VPS13D: variants seen among roughly 807,000 people sequenced by gnomAD.
The protein encoded by VPS13D is intermembrane lipid transfer protein VPS13D.
Under a neutral mutation model 461.9 loss-of-function variants are expected in VPS13D, and 187 were observed. The ratio of observed to expected loss-of-function variants is 0.40; its 90% CI spans 0.36 to 0.46. The LOEUF is 0.46. Among genes scored for constraint, VPS13D ranks in the 20% least tolerant of loss-of-function variants. VPS13D has a pLI of 0.60. For synonymous variants in VPS13D, 1,951 were observed against 1,986.3 expected, an observed-to-expected ratio of 0.98 and a Z score of 0.47; for missense variants, 4,711 against 5,364.9, an observed-to-expected ratio of 0.88 and a Z score of 3.81.
chr1:12,346,781 C>A, intron 44 of VPS13D, 129 bp downstream of exon 44: 1 of 889,222 alleles, frequency 1.1e-6, no homozygotes, highest in East Asian at 2.9e-5. Context: ...TTATCTCTGC[C>A]CTTTTCTATT....
rs1257253328 is a variant in VPS13D, at chr1:12,329,859, G to A, written c.8228G>A (p.Ser2743Asn). The A allele has an allele frequency of 2.5e-6, 4 of 1,614,072 alleles. No homozygotes were observed. The South Asian group carries it at 4.4e-5, about 18-fold the overall frequency. The change falls in exon 37 of 70, where the codon AGC (serine) becomes AAC (asparagine). Residue 2743 changes from serine (S) to asparagine (N), a missense_variant. Transcript: ENST00000620676. ...RLNFLQRVRT[S>N]PEGYAHFTLS... ...AATTTTCTTCAGCGTGTAAGAACTA[G>A]CCCTGAAGGCTATGCCCACTTCACC...
intron 65 of VPS13D, among the ~76,000 whole-genome samples, chr1:12,430,273 T>A (rs947232157): frequency 1.3e-5 from 2 of 152,222 alleles, no homozygotes; most frequent in Non-Finnish European, 2.9e-5. Context: ...CACAAACTTA[T>A]GCATTAAAGA....
rs185515092 is a variant in VPS13D at position 12,371,724 on chromosome 1, T to C, written c.10808+2022T>C. Among the ~76,000 whole-genome samples, 11 of 152,244 alleles carry C rather than the reference T, an allele frequency of 7.2e-5. No individual in the cohort carries two copies. The East Asian group carries it at 2.1e-3, about 29-fold the overall frequency. ...TTTTATGAAAAGTACCCAGTATTTT[T>C]TGTGGCTGAATACTATGCTGTATAC... On this transcript the variant is annotated intron_variant, in intron 54 of 69. Coordinates refer to ENST00000620676, the MANE Select transcript of VPS13D (RefSeq NM_015378.4).
At chr1:12,296,919 A>G (rs1353492589) in intron 24 of VPS13D, among the ~76,000 whole-genome samples, 2 of 152,238 alleles carry the variant, frequency 1.3e-5, no homozygotes, top group Non-Finnish European at 2.9e-5. Flanking sequence ...TGGGTTAAGC[A>G]GAGTTGAACA....
At chr1:12,477,222 C>T (rs959720755) in intron 67 of VPS13D, among the ~76,000 whole-genome samples, 2 of 151,972 alleles carry the variant, frequency 1.3e-5, no homozygotes, top group Non-Finnish European at 2.9e-5. Flanking sequence ...TTCCCACCTG[C>T]TCCTCTTATA....
chr1:12,493,541 G>A (rs1349259487), intron 67 of VPS13D, among the ~76,000 whole-genome samples: 1 of 151,256 alleles, frequency 6.6e-6, no homozygotes, highest in Non-Finnish European at 1.5e-5. Flanking sequence ...TAGGCTTACT[G>A]GAACATACAG....
Position 12,473,296 on chromosome 1 carries a change from GTTC to G in VPS13D, c.12662+12904_12662+12906del, listed in dbSNP as rs151036472. Among the ~76,000 whole-genome samples the G allele has an allele frequency of 0.022, 3,295 of 152,316 alleles. 60 individuals are homozygous for G. Among genetic ancestry groups the G allele is most frequent in the African/African-American group, 0.038 (1,574 of 41,574 alleles). ...ATGTGGAAAGGACGTAAAATCACAG[GTTC>G]TTCCCCAGTTCTGAAAAAGAAATAG... is the stretch of plus-strand genomic sequence containing the variant. On this transcript the variant is annotated intron_variant, in intron 67 of 69. Transcript: ENST00000620676. This position sits in a 1 kb window ranked among gnomAD's most constrained non-coding sequence, Gnocchi z 4.2.
At chr1:12,293,019 T>C (rs1479999707) in intron 23 of VPS13D, among the ~76,000 whole-genome samples, 2 of 152,218 alleles carry the variant, frequency 1.3e-5, no homozygotes, top group Admixed American at 1.3e-4. Context: ...CAGAACAATT[T>C]GTAGAAGTCT....
intron 11 of VPS13D, 38 bp from the exon 12 acceptor site, chr1:12,260,910 T>A (rs1557670206): frequency 1.2e-6 from 2 of 1,613,768 alleles, no homozygotes; most frequent in Non-Finnish European, 1.7e-6. Context: ...TGCTTTTATC[T>A]TTGAGTACTC....
At chr1:12,504,571 T>G (rs1274711236) in intron 68 of VPS13D, among the ~76,000 whole-genome samples, 1 of 152,128 alleles carries the variant, frequency 6.6e-6, no homozygotes, top group Admixed American at 6.5e-5. Context: ...GATTACCCTC[T>G]CCATCAGAGA....
intron 67 of VPS13D, among the ~76,000 whole-genome samples, chr1:12,491,609 G>A (rs185630763): frequency 2.0e-4 from 30 of 152,098 alleles, no homozygotes; most frequent in South Asian, 6.3e-4. Context: ...TTGGGCCTCC[G>A]GTGTATATCA....
chr1:12,455,837 T>G (rs1195385284), intron 65 of VPS13D, among the ~76,000 whole-genome samples, 161 bp from the exon 66 acceptor site: 1 of 152,124 alleles, frequency 6.6e-6, no homozygotes, highest in African/African-American at 2.4e-5. Flanking sequence ...GAGAATCACT[T>G]GAGCCTGGGA....
intron 5 of VPS13D, among the ~76,000 whole-genome samples, chr1:12,247,429 A>G (rs2101222253): frequency 6.6e-6 from 1 of 151,880 alleles, no homozygotes; most frequent in East Asian, 1.9e-4. Flanking sequence ...AAAAAAAAAA[A>G]GCCTGCAGAA....
At chr1:12,328,957 G>T (rs1415463206) in intron 36 of VPS13D, among the ~76,000 whole-genome samples, 1 of 152,194 alleles carries the variant, frequency 6.6e-6, no homozygotes, top group Admixed American at 6.5e-5. Context: ...TCTGGGGCTT[G>T]AATCTGGCCT....
Position 12,431,144 on chromosome 1 carries a change from A to G in VPS13D, c.12333+14317A>G, listed in dbSNP as rs556352685. Among the ~76,000 whole-genome samples the G allele has an allele frequency of 1.9e-3, 296 of 152,332 alleles. 2 individuals carry two copies. The highest frequency in any genetic ancestry group is 6.6e-3 in the African/African-American group (275 of 41,584). ...TAGTTTTAATAATATTTCATATGATAATTTAAACTCTCTAACTTTTGCCTA... is the reference window on the plus strand; with the variant it reads ...TAGTTTTAATAATATTTCATATGATGATTTAAACTCTCTAACTTTTGCCTA... On this transcript the variant is annotated intron_variant, in intron 65 of 69. Transcript: ENST00000620676.
rs1478008791 is a variant in VPS13D, at chr1:12,495,660, G to GAA, written c.12663-1839_12663-1838dup. Reference sequence around the variant, plus strand: ...CCTGCAGGCCTCCCAGTTGATTGGGGAAGATATGTTGAGACGAGTCTGAAT... The same window carrying GAA: ...CCTGCAGGCCTCCCAGTTGATTGGGGAAAAGATATGTTGAGACGAGTCTGAAT... On this transcript the variant is annotated intron_variant, in intron 67 of 69. Coordinates refer to ENST00000620676, the MANE Select transcript of VPS13D (RefSeq NM_015378.4). This position sits in a 1 kb window ranked among gnomAD's most constrained non-coding sequence, Gnocchi z 4.0. Among the ~76,000 whole-genome samples the GAA allele has an allele frequency of 5.3e-5, 8 of 152,226 alleles. No individual in the cohort carries two copies. Among genetic ancestry groups the GAA allele is most frequent in the Admixed American group, 2.6e-4 (4 of 15,284 alleles).
chr1:12,425,282 G>A lies in VPS13D; in HGVS notation c.12333+8455G>A, dbSNP rs537367925. The stretch of plus-strand genomic sequence containing the variant: ...GGTTAAAAATCAGAAAGCAGGCCGG[G>A]CATGGTGACTGACACCTGTAATCCC... On this transcript the variant is annotated intron_variant, in intron 65 of 69. Transcript: ENST00000620676. Among the ~76,000 whole-genome samples, 9 of 152,250 alleles carry A rather than the reference G, an allele frequency of 5.9e-5. No homozygotes were observed. In the East Asian group the frequency reaches 1.7e-3, roughly 29 times the overall value.
Position 12,429,107 on chromosome 1 carries a change from CTT to C in VPS13D, c.12333+12294_12333+12295del, listed in dbSNP as rs74318727. Among the ~76,000 whole-genome samples, 970 of 141,452 alleles carry C rather than the reference CTT, an allele frequency of 6.9e-3. 4 individuals are homozygous for C. Among genetic ancestry groups the C allele is most frequent in the Non-Finnish European group, 0.01 (678 of 64,684 alleles). The allele number at this position is 141,452 out of a possible 152,430, so 92.8% of individuals were successfully genotyped here. Reference sequence around the variant, plus strand: ...GGGGGGCCAGGATTTTATCTGACAACTTTTTTTTTTTTTTTGCCAGTCTCCCC... The same window carrying C: ...GGGGGGCCAGGATTTTATCTGACAACTTTTTTTTTTTTTGCCAGTCTCCCC... On this transcript the variant is annotated intron_variant, in intron 65 of 69. Coordinates refer to ENST00000620676, the MANE Select transcript of VPS13D (RefSeq NM_015378.4).
rs138656596 is a variant in VPS13D, at chr1:12,440,736, C to T, written c.12334-15262C>T. On this transcript the variant is annotated intron_variant, in intron 65 of 69. Coordinates refer to ENST00000620676, the MANE Select transcript of VPS13D (RefSeq NM_015378.4). ...ACTGAAAATACAAAAATTAGCTGGACGTGGTGGTGGACACCTGTAATCCTG... is the reference window on the plus strand; with the variant it reads ...ACTGAAAATACAAAAATTAGCTGGATGTGGTGGTGGACACCTGTAATCCTG... 8.2e-4 allele frequency among the ~76,000 whole-genome samples: 125 copies of T among 152,144 alleles called. 1 individual carries two copies. In the East Asian group the frequency reaches 0.019, roughly 23 times the overall value.
Sources: gnomAD v4.1 joint callset for allele counts (sites outside exome capture counted in the v4.1 genomes callset) on GRCh38, gnomAD v4.1.1 for gene constraint, Gnocchi (gnomAD v3.1) non-coding constraint, MANE v1.5 for transcripts, NCBI Gene and HGNC (gene_info 2026-07-23, HGNC 2026-07-21) for gene names.